Variants in SMARCD1 observed in about 807,000 individuals in gnomAD.
SMARCD1 encodes SWI/SNF related BAF chromatin remodeling complex subunit D1.
A neutral mutation model predicts 70.8 loss-of-function variants in SMARCD1; 16 were observed. The ratio of observed to expected loss-of-function variants is 0.23; its 90% confidence interval spans 0.15 to 0.34. The LOEUF (loss-of-function observed/expected upper bound fraction) is 0.34, where lower values mean the gene tolerates loss of function less well. Ranked by LOEUF, SMARCD1 falls within the 10% of genes least tolerant of loss-of-function variation. The pLI, the probability that SMARCD1 is intolerant of heterozygous loss-of-function variation, is 1.00. For synonymous variants in SMARCD1, 249 were observed against 246.0 expected, an observed-to-expected ratio of 1.01 and a Z score of -0.11; for missense variants, 409 against 655.5, an observed-to-expected ratio of 0.62 and a Z score of 4.11.
rs376164103 is a variant in SMARCD1, at chr12:50,086,327, C to T, written c.344C>T (p.Ala115Val). Reference protein sequence around the residue: ...PQQIQQVQQQAVQNRNHNAKK... With the variant: ...PQQIQQVQQQVVQNRNHNAKK... ...CAGATCCAGCAGGTCCAGCAGCAGG[C>T]GGTCCAAAATCGAAACCACAAGTAA... Residue 115 changes from alanine (A) to valine (V), a missense_variant, in exon 2 of 13, where the codon GCG becomes GTG. Transcript: ENST00000394963. 22 of 1,368,796 alleles carry T rather than the reference C, an allele frequency of 1.6e-5. No individual in the cohort carries two copies. The Middle Eastern group carries it at 6.3e-4, about 39-fold the overall frequency. The allele number at this position is 1,368,796 out of a possible 1,614,324, so 84.8% of individuals were successfully genotyped here.
In SMARCD1 at chr12:50,085,345, C is replaced by A; in HGVS notation, c.-25C>A. 7.9e-7 allele frequency: 1 copy of A among 1,259,992 alleles called. No homozygotes were observed. The highest frequency in any genetic ancestry group is 3.0e-5 in the East Asian group (1 of 33,146). The allele number at this position is 1,259,992 out of a possible 1,614,324, so 78.1% of individuals were successfully genotyped here. Reference sequence around the variant, plus strand: ...GGAGTTCCGGTTCCGGTTCTTTGTGCGGCTGCATCGGCGGCTCCGGGAAGA... The same window carrying A: ...GGAGTTCCGGTTCCGGTTCTTTGTGAGGCTGCATCGGCGGCTCCGGGAAGA... On this transcript the variant is annotated 5_prime_UTR_variant, in exon 1 of 13. Transcript: ENST00000394963.
At chr12:50,086,107 G>T in intron 1 of SMARCD1, 54 bp from the exon 2 acceptor site, 1 of 1,320,524 alleles carries the variant, frequency 7.6e-7, no homozygotes, top group South Asian at 2.0e-5. Flanking sequence ...TTTCTTTCTT[G>T]ATGGGGTTTA....
rs947704577 is a variant in SMARCD1, at chr12:50,086,851, C to T, written c.504C>T (p.Ile168=). The change falls in exon 4 of 13, where the codon ATC becomes ATT. Residue 168 remains isoleucine, a synonymous_variant. Transcript: ENST00000394963. ...DQTIMRKRLD[I]QEALKRPIKQ... ...CTATCATGAGGAAACGGCTAGATAT[C>T]CAAGAGGCCTTGAAACGTCCCATCA... 4 of 1,613,998 alleles carry T rather than the reference C, an allele frequency of 2.5e-6. No individual in the cohort carries two copies. The highest frequency in any genetic ancestry group is 2.7e-5 in the African/African-American group (2 of 74,900).
chr12:50,091,707 G>A (rs1950845523), intron 9 of SMARCD1, among the ~76,000 whole-genome samples: 4 of 152,232 alleles, frequency 2.6e-5, no homozygotes, highest in South Asian at 2.1e-4. Context: ...CTCCCACGTC[G>A]CTGGGATTAC....
At chr12:50,095,677 A>T (rs535740847) in intron 10 of SMARCD1, among the ~76,000 whole-genome samples, 63 of 152,342 alleles carry the variant, frequency 4.1e-4, no homozygotes, top group South Asian at 1.2e-3. Context: ...GGCAAAAAGG[A>T]TAGTAGTGCT....
At chr12:50,097,914 A>G (rs1345635035) in intron 11 of SMARCD1, among the ~76,000 whole-genome samples, 1 of 149,894 alleles carries the variant, frequency 6.7e-6, no homozygotes. Flanking sequence ...AAAAAAAAAG[A>G]CATTATTAGA....
chr12:50,099,404 A>G lies in SMARCD1; in HGVS notation c.*404A>G, dbSNP rs1950920248. 2.2e-6 allele frequency: 1 copy of G among 450,370 alleles called. No individual in the cohort carries two copies. Among genetic ancestry groups the G allele is most frequent in the African/African-American group, 2.0e-5 (1 of 50,530 alleles). 27.9% of individuals were successfully genotyped at this position (450,370 alleles called of 1,614,324 possible). A position where few individuals can be genotyped will look rare whatever the true frequency, so the allele number is the denominator to read the frequency against. ...TGGGAGCTTTCGCTCCTTCTCCAAG[A>G]CTCAGGCCTGTGGGCACTCTATAAG... On this transcript the variant is annotated 3_prime_UTR_variant, in exon 13 of 13. Transcript: ENST00000394963.
chr12:50,098,896 C>T, intron 12 of SMARCD1, 51 bp from the exon 13 acceptor site: 2 of 1,606,904 alleles, frequency 1.2e-6, no homozygotes, highest in Middle Eastern at 1.7e-4. Flanking sequence ...GTGTTAGATA[C>T]CAACTTCTGG....
chr12:50,087,444 G>C lies in SMARCD1; in HGVS notation c.613G>C (p.Ala205Pro), dbSNP rs1242838568. ...SDAEDGEGTVASWELRVEGRL... is the reference protein window; with the variant it reads ...SDAEDGEGTVPSWELRVEGRL... The stretch of plus-strand genomic sequence containing the variant: ...TGCCGAGGATGGGGAAGGGACGGTG[G>C]CTTCCTGGGAGCTTCGGGTAGAAGG... Residue 205 changes from alanine (A) to proline (P), a missense_variant, in exon 5 of 13, where the codon GCT (alanine) becomes CCT (proline). This residue lies in a region of SMARCD1 where 269 missense variants were observed against 498.6 expected (regional missense o/e 0.54). Coordinates refer to ENST00000394963, the MANE Select transcript of SMARCD1 (RefSeq NM_003076.5). 3 of 1,614,112 alleles carry C rather than the reference G, an allele frequency of 1.9e-6. No homozygotes were observed. The highest frequency in any genetic ancestry group is 1.7e-5 in the Admixed American group (1 of 60,028).
chr12:50,085,456 C>T lies in SMARCD1; in HGVS notation c.87C>T (p.Gly29=). The T allele has an allele frequency of 8.1e-7, 1 of 1,239,000 alleles. No individual in the cohort carries two copies. Among genetic ancestry groups the T allele is most frequent in the Non-Finnish European group, 1.0e-6 (1 of 992,108 alleles). The allele number at this position is 1,239,000 out of a possible 1,614,324, so 76.8% of individuals were successfully genotyped here. A position where few individuals can be genotyped will look rare whatever the true frequency, so the allele number is the denominator to read the frequency against. Residue 29 remains glycine, a synonymous_variant, in exon 1 of 13, where the codon GGC becomes GGT. Transcript: ENST00000394963. ...SGGAGAAAAL[G]PGGTPGPPVR... Reference sequence around the variant, plus strand: ...GGGCGGGCGCGGCTGCTGCCTTGGGCCCGGGCGGAACTCCGGGGCCTCCTG... The same window carrying T: ...GGGCGGGCGCGGCTGCTGCCTTGGGTCCGGGCGGAACTCCGGGGCCTCCTG...
intron 1 of SMARCD1, 94 bp from the exon 2 acceptor site, chr12:50,086,067 T>A: frequency 1.0e-6 from 1 of 975,386 alleles, no homozygotes; most frequent in Non-Finnish European, 1.5e-6. Context: ...TAAACCTTAC[T>A]TCATTCAAAG....
chr12:50,087,058 A>T (rs1950798042), intron 4 of SMARCD1, 180 bp downstream of exon 4: 1 of 701,898 alleles, frequency 1.4e-6, no homozygotes. Context: ...GCAAAGGGGG[A>T]GGGGCTCTTG....
At chr12:50,090,966 A>G (rs1187046756) in intron 9 of SMARCD1, among the ~76,000 whole-genome samples, 1 of 151,522 alleles carries the variant, frequency 6.6e-6, no homozygotes, top group East Asian at 1.9e-4. Context: ...CCGGGACTAC[A>G]GGCACCCGTC....
At chr12:50,095,078 G>T (rs958020471) in intron 10 of SMARCD1, among the ~76,000 whole-genome samples, 1 of 152,188 alleles carries the variant, frequency 6.6e-6, no homozygotes, top group South Asian at 2.1e-4. Flanking sequence ...GATTACAGGC[G>T]TGAGCCACCA....
At chr12:50,092,577 G>A (rs1439710799) in intron 9 of SMARCD1, among the ~76,000 whole-genome samples, 2 of 150,686 alleles carry the variant, frequency 1.3e-5, no homozygotes, top group African/African-American at 2.4e-5. Context: ...AGAGAGGGAG[G>A]GGAAAAAAAG....
At chr12:50,085,588 G>A in intron 1 of SMARCD1, 42 bp downstream of exon 1, 1 of 1,213,452 alleles carries the variant, frequency 8.2e-7, no homozygotes. Context: ...CGGGGGCGGG[G>A]CCGAGCGGGG....
intron 6 of SMARCD1, among the ~76,000 whole-genome samples, 196 bp from the exon 7 acceptor site, chr12:50,089,688 C>G (rs1040226480): frequency 6.6e-6 from 1 of 152,188 alleles, no homozygotes; most frequent in African/African-American, 2.4e-5. Context: ...CAACCACAAA[C>G]AATTAAAAGG....
Position 50,096,870 on chromosome 12 carries a change from C to A in SMARCD1, c.1290C>A (p.Thr430=). The stretch of plus-strand genomic sequence containing the variant: ...TTCAGATCCATGAGACAATAGAAAC[C>A]ATCAACCAGCTGAAGACTCAGCGGG... ...LDNKIHETIE[T]INQLKTQREF... The change falls in exon 11 of 13, where the codon ACC becomes ACA. Residue 430 remains threonine, a synonymous_variant. Transcript: ENST00000394963. 6.2e-7 allele frequency: 1 copy of A among 1,612,516 alleles called. No homozygotes were observed. Among genetic ancestry groups the A allele is most frequent in the Non-Finnish European group, 8.5e-7 (1 of 1,178,744 alleles).
intron 5 of SMARCD1, chr12:50,088,313 G>A (rs750113589): frequency 1.7e-5 from 12 of 699,378 alleles, no homozygotes; most frequent in Non-Finnish European, 5.2e-6. Context: ...CCCTCTATGT[G>A]TTCTAGGCTG....
Sources: gnomAD v4.1 joint callset for allele counts (sites outside exome capture counted in the v4.1 genomes callset) on GRCh38, gnomAD v4.1.1 for gene constraint, gnomAD v4.1.1 regional missense constraint, MANE v1.5 for transcripts, NCBI Gene and HGNC (gene_info 2026-07-23, HGNC 2026-07-21) for gene names.